Variants in TLL1 observed in about 807,000 individuals in gnomAD.
The protein encoded by TLL1 is tolloid like 1.
TLL1 carries 49 observed loss-of-function variants against 128.2 expected under a neutral mutation model. That is an observed-to-expected ratio of 0.38 (90% confidence interval 0.30 to 0.48). The LOEUF is 0.48. Among genes scored for constraint, TLL1 ranks in the 20% least tolerant of loss-of-function variants. The pLI, the probability that TLL1 is intolerant of heterozygous loss-of-function variation, is 0.96. For synonymous variants in TLL1, 454 were observed against 418.8 expected (o/e 1.08, Z -1.03); for missense variants, 1,123 against 1,242.0 (o/e 0.90, Z 1.44).
At chr4:165,959,600 A>G (rs2110956658) in intron 1 of TLL1, among the ~76,000 whole-genome samples, 1 of 152,268 alleles carries the variant, frequency 6.6e-6, no homozygotes, top group East Asian at 1.9e-4. Context: ...GCCATAAAAC[A>G]AGTCTCAATA....
Position 166,091,351 on chromosome 4 carries a change from T to C in TLL1, c.2656+10T>C. The stretch of plus-strand genomic sequence containing the variant: ...GCTACACATTCTACAGGTCAGCAAA[T>C]TCAAGTCATGCTTCTCTTTTTTGAC... On this transcript the variant is annotated intron_variant, in intron 19 of 20. Transcript: ENST00000061240. 5 of 1,610,438 alleles carry C rather than the reference T, an allele frequency of 3.1e-6. No homozygotes were observed. Among genetic ancestry groups the C allele is most frequent in the Non-Finnish European group, 4.2e-6 (5 of 1,177,634 alleles).
intron 1 of TLL1, among the ~76,000 whole-genome samples, chr4:165,930,586 A>G (rs1264233020): frequency 6.6e-6 from 1 of 152,170 alleles, no homozygotes; most frequent in Non-Finnish European, 1.5e-5. Context: ...AAAGACTACA[A>G]TAAAATATGT....
chr4:165,907,499 G>A (rs908601352), intron 1 of TLL1, among the ~76,000 whole-genome samples: 7 of 151,846 alleles, frequency 4.6e-5, no homozygotes, highest in Non-Finnish European at 1.0e-4. Flanking sequence ...AACACAGTAA[G>A]TATACAGATT....
intron 7 of TLL1, among the ~76,000 whole-genome samples, chr4:166,014,043 T>C (rs923817964): frequency 6.6e-6 from 1 of 151,926 alleles, no homozygotes; most frequent in African/African-American, 2.4e-5. Flanking sequence ...CATTATTTAC[T>C]GTAGTTTGCT....
At chr4:165,974,164 G>A (rs1422730574) in intron 1 of TLL1, among the ~76,000 whole-genome samples, 4 of 32,424 alleles carry the variant, frequency 1.2e-4, no homozygotes, top group Admixed American at 4.5e-4. Flanking sequence ...TTTTTGAGAC[G>A]GAGTCTCGCT....
chr4:165,873,978 T>C lies in TLL1; in HGVS notation c.74T>C (p.Leu25Pro). 1 of 1,614,098 alleles carries C rather than the reference T, an allele frequency of 6.2e-7. No homozygotes were observed. Among genetic ancestry groups the C allele is most frequent in the Non-Finnish European group, 8.5e-7 (1 of 1,180,014 alleles). The change falls in exon 1 of 21, where the codon CTA becomes CCA. Residue 25 changes from leucine (L) to proline (P), a missense_variant. Around this residue, in one of 3 missense-constraint regions of TLL1, gnomAD observed 480 missense variants for 542.4 expected, o/e 0.89. Coordinates refer to ENST00000061240, the MANE Select transcript of TLL1 (RefSeq NM_012464.5). ...TCGGGGATTGTTTTCTACGGGGAGC[T>C]ATGGGTCTGCGCTGGCCTCGATTAT... is the stretch of plus-strand genomic sequence containing the variant. ...VASGIVFYGE[L>P]WVCAGLDYDY...
At chr4:165,900,388 A>C (rs1308559058) in intron 1 of TLL1, among the ~76,000 whole-genome samples, 4 of 151,788 alleles carry the variant, frequency 2.6e-5, no homozygotes, top group Non-Finnish European at 5.9e-5. Context: ...TTTCCTTTCC[A>C]TATTTAGTGC....
intron 12 of TLL1, among the ~76,000 whole-genome samples, chr4:166,045,554 A>G (rs1195425144): frequency 6.6e-6 from 1 of 152,138 alleles, no homozygotes; most frequent in Non-Finnish European, 1.5e-5. Flanking sequence ...CTTGCTCTGC[A>G]TATCCCGTTC....
intron 1 of TLL1, among the ~76,000 whole-genome samples, chr4:165,934,009 T>G (rs1481202332): frequency 6.6e-6 from 1 of 152,008 alleles, no homozygotes; most frequent in African/African-American, 2.4e-5. Flanking sequence ...CTCTCTTTCT[T>G]TTTTTTGAGA....
chr4:165,950,003 A>G (rs902217935), intron 1 of TLL1, among the ~76,000 whole-genome samples: 1 of 152,178 alleles, frequency 6.6e-6, no homozygotes, highest in Non-Finnish European at 1.5e-5. Flanking sequence ...ATATAAAAGA[A>G]AGGCCCAATT....
intron 15 of TLL1, among the ~76,000 whole-genome samples, chr4:166,060,512 A>G (rs1320786455): frequency 6.6e-6 from 1 of 152,154 alleles, no homozygotes; most frequent in African/African-American, 2.4e-5. Context: ...AAAATAAACC[A>G]AAACCCTGTG....
intron 18 of TLL1, among the ~76,000 whole-genome samples, chr4:166,080,713 G>A (rs2173307): frequency 0.37 from 55,510 of 151,976 alleles, 10,312 homozygotes; most frequent in East Asian, 0.42. Context: ...GTGTTAGGTG[G>A]ATCTAATCAG....
chr4:166,018,096 AG>A lies in TLL1; in HGVS notation c.1042+3541del, dbSNP rs537908386. 5.9e-5 allele frequency among the ~76,000 whole-genome samples: 9 copies of A among 152,236 alleles called. No individual in the cohort carries two copies. In the South Asian group the frequency reaches 1.9e-3, roughly 32 times the overall value. On this transcript the variant is annotated intron_variant, in intron 8 of 20. Transcript: ENST00000061240. ...TGTGTTTGGTTTTCATACAGAGAGG[AG>A]GGGGTTATAAAGCTGAGTATTCCTT...
chr4:166,032,276 C>T (rs893201192), intron 9 of TLL1, among the ~76,000 whole-genome samples: 1 of 152,046 alleles, frequency 6.6e-6, no homozygotes, highest in African/African-American at 2.4e-5. Context: ...ATTATCAGTT[C>T]TTGTCAAATT....
chr4:166,029,998 A>T (rs1319057324), intron 9 of TLL1, among the ~76,000 whole-genome samples: 1 of 152,096 alleles, frequency 6.6e-6, no homozygotes, highest in Non-Finnish European at 1.5e-5. Context: ...TATTTTGATT[A>T]TCTATCCAGA....
intron 12 of TLL1, among the ~76,000 whole-genome samples, chr4:166,045,430 A>G (rs1739420385): frequency 1.3e-5 from 2 of 152,140 alleles, no homozygotes; most frequent in African/African-American, 4.8e-5. Flanking sequence ...CTATCAGCAT[A>G]TATCAGTTGC....
intron 1 of TLL1, among the ~76,000 whole-genome samples, chr4:165,956,483 A>T (rs1356826086): frequency 3.3e-5 from 5 of 151,980 alleles, no homozygotes; most frequent in African/African-American, 7.3e-5. Context: ...GAATTTAGCA[A>T]TATCTCTCCT....
chr4:165,894,524 C>T (rs1731579324), intron 1 of TLL1, among the ~76,000 whole-genome samples: 2 of 152,136 alleles, frequency 1.3e-5, no homozygotes, highest in African/African-American at 4.8e-5. Context: ...TCTAGATATA[C>T]AAAATCTGAA....
At position 166,099,342 on chromosome 4, in the gene TLL1, G is replaced by A. The variant is rs1459768758; in HGVS notation, c.2722G>A (p.Asp908Asn). The change falls in exon 20 of 21, where the codon GAT becomes AAT. Residue 908 changes from aspartate to asparagine, a missense_variant. By Grantham distance (23) the Asp-to-Asn change is conservative. Around this residue, in one of 3 missense-constraint regions of TLL1, gnomAD observed 634 missense variants for 672.4 expected, o/e 0.94. Transcript: ENST00000061240. ...RDLYSHAQFG[D>N]NNYPGQVDCE... is the part of the protein sequence containing the mutation. ...TCTGTACTCACATGCTCAGTTTGGT[G>A]ATAACAACTACCCAGGACAGGTTGA... 4 of 1,613,590 alleles carry A rather than the reference G, an allele frequency of 2.5e-6. No individual in the cohort carries two copies. Among genetic ancestry groups the A allele is most frequent in the South Asian group, 1.1e-5 (1 of 91,086 alleles).
Sources: allele counts gnomAD v4.1 joint callset (sites outside exome capture counted in the v4.1 genomes callset), GRCh38; gene constraint gnomAD v4.1.1; regional missense constraint gnomAD v4.1.1; transcripts MANE v1.5; gene names NCBI Gene and HGNC (gene_info 2026-07-23, HGNC 2026-07-21).